The following ADAMTS9 variants were observed in gnomAD, a reference collection of about 807,000 sequenced individuals.
ADAMTS9 encodes the protein A disintegrin and metalloproteinase with thrombospondin motifs 9.
In ADAMTS9, 107 loss-of-function variants were observed where a neutral mutation model predicts 257.1. That is an observed-to-expected ratio of 0.42 (90% CI 0.36 to 0.49). ADAMTS9 has a LOEUF of 0.49. ADAMTS9 is among the 20% of genes least tolerant of loss of function. The pLI is 0.03. For synonymous variants in ADAMTS9, 982 were observed against 880.9 expected, an observed-to-expected ratio of 1.11 and a Z score of -2.03; for missense variants, 2,353 against 2,469.1, an observed-to-expected ratio of 0.95 and a Z score of 1.00.
intron 23 of ADAMTS9, among the ~76,000 whole-genome samples, chr3:64,606,252 A>G (rs2084554441): frequency 6.6e-6 from 1 of 152,208 alleles, no homozygotes; most frequent in South Asian, 2.1e-4. Context: ...CATTTTCTCC[A>G]TTACTTTCTT....
At chr3:64,653,429 A>G (rs1411530269) in intron 8 of ADAMTS9, among the ~76,000 whole-genome samples, 1 of 152,212 alleles carries the variant, frequency 6.6e-6, no homozygotes, top group African/African-American at 2.4e-5. Context: ...TATATGTTTG[A>G]AAGGTACTAG....
intron 3 of ADAMTS9, among the ~76,000 whole-genome samples, chr3:64,674,306 A>C (rs1701571101): frequency 6.6e-6 from 1 of 152,236 alleles, no homozygotes; most frequent in African/African-American, 2.4e-5. Context: ...GATGAAGAAC[A>C]AAAAGGGGAA....
At chr3:64,662,940 A>G (rs914347172) in intron 3 of ADAMTS9, among the ~76,000 whole-genome samples, 3 of 152,124 alleles carry the variant, frequency 2.0e-5, no homozygotes, top group African/African-American at 7.2e-5. Context: ...ATGGAATAAA[A>G]TTGCCTTCAG....
intron 3 of ADAMTS9, among the ~76,000 whole-genome samples, chr3:64,678,330 C>A (rs897356088): frequency 6.6e-6 from 1 of 152,190 alleles, no homozygotes; most frequent in African/African-American, 2.4e-5. Context: ...ATGGAAAGCA[C>A]TGATGTAGAA....
intron 36 of ADAMTS9, among the ~76,000 whole-genome samples, chr3:64,539,664 G>GC (rs2083095864): frequency 6.6e-6 from 1 of 152,164 alleles, no homozygotes; most frequent in Non-Finnish European, 1.5e-5. Context: ...CTGTTATCCT[G>GC]CATCACAGGC....
intron 16 of ADAMTS9, among the ~76,000 whole-genome samples, chr3:64,625,634 T>G (rs2106874587): frequency 6.6e-6 from 1 of 152,268 alleles, no homozygotes; most frequent in East Asian, 1.9e-4. Flanking sequence ...TTTACCAGAA[T>G]TCTCACCCAC....
intron 32 of ADAMTS9, among the ~76,000 whole-genome samples, chr3:64,544,544 G>A (rs1370971023): frequency 1.3e-5 from 2 of 152,148 alleles, no homozygotes. Context: ...ATGGTGCTGG[G>A]AAAACTGGCT....
intron 28 of ADAMTS9, among the ~76,000 whole-genome samples, chr3:64,569,962 A>G (rs1164519721): frequency 6.6e-6 from 1 of 152,224 alleles, no homozygotes; most frequent in Non-Finnish European, 1.5e-5. Flanking sequence ...ACTTTGCGAT[A>G]TAATTCTAGA....
intron 3 of ADAMTS9, among the ~76,000 whole-genome samples, chr3:64,669,975 G>GT (rs1701446185): frequency 6.6e-6 from 1 of 152,144 alleles, no homozygotes; most frequent in African/African-American, 2.4e-5. Flanking sequence ...TACAATCAAA[G>GT]ATACCGCTGG....
At chr3:64,685,000 A>C (rs1701859166) in intron 2 of ADAMTS9, 1 of 152,138 alleles carries the variant, frequency 6.6e-6, no homozygotes. Flanking sequence ...TAACCTTTCA[A>C]GGACCAGAAG....
At chr3:64,592,394 G>A (rs2084279643) in intron 28 of ADAMTS9, 1 of 152,052 alleles carries the variant, frequency 6.6e-6, no homozygotes, top group Non-Finnish European at 1.5e-5. Flanking sequence ...GCAGGCCCAA[G>A]GAGAACAACT....
intron 22 of ADAMTS9, among the ~76,000 whole-genome samples, chr3:64,612,146 C>A (rs369498749): frequency 1.1e-4 from 17 of 151,946 alleles, no homozygotes; most frequent in Non-Finnish European, 2.1e-4. Context: ...TGAATATTTA[C>A]GACCCTTAAA....
At chr3:64,670,702 C>T (rs938176312) in intron 3 of ADAMTS9, among the ~76,000 whole-genome samples, 1 of 152,118 alleles carries the variant, frequency 6.6e-6, no homozygotes, top group Non-Finnish European at 1.5e-5. Context: ...TAAAAAATGG[C>T]TGAAAGACTT....
At chr3:64,559,024 T>G (rs902218085) in intron 30 of ADAMTS9, among the ~76,000 whole-genome samples, 1 of 151,966 alleles carries the variant, frequency 6.6e-6, no homozygotes, top group African/African-American at 2.4e-5. Flanking sequence ...GGGCTGTGAT[T>G]TAGGGGAGCC....
intron 16 of ADAMTS9, among the ~76,000 whole-genome samples, chr3:64,630,104 A>G (rs1700330808): frequency 6.8e-6 from 1 of 147,444 alleles, no homozygotes; most frequent in Admixed American, 6.8e-5. Context: ...GACAGCTCTA[A>G]TTTATTCTAG....
At chr3:64,518,562 T>TA (rs1343967535) in intron 39 of ADAMTS9, among the ~76,000 whole-genome samples, 1 of 152,080 alleles carries the variant, frequency 6.6e-6, no homozygotes, top group Admixed American at 6.5e-5. Context: ...TGGACTTTGT[T>TA]AAAATGCAGA....
intron 30 of ADAMTS9, among the ~76,000 whole-genome samples, chr3:64,553,206 C>A (rs1278249492): frequency 6.6e-6 from 1 of 152,156 alleles, no homozygotes; most frequent in Non-Finnish European, 1.5e-5. Flanking sequence ...CCAGTCCCTC[C>A]CCATTCCTTC....
At position 64,517,049 on chromosome 3, in the gene ADAMTS9, T is replaced by C. The variant is rs1031900236; in HGVS notation, c.*78A>G. 6.6e-6 allele frequency: 1 copy of C among 152,334 alleles called. No individual in the cohort carries two copies. Among genetic ancestry groups the C allele is most frequent in the Non-Finnish European group, 1.5e-5 (1 of 67,962 alleles). 9.4% of individuals were successfully genotyped at this position (152,334 alleles called of 1,614,324 possible). On this transcript the variant is annotated 3_prime_UTR_variant, in exon 40 of 40. Coordinates refer to ENST00000498707, the MANE Select transcript of ADAMTS9 (RefSeq NM_182920.2). ...ACACAAACACACACACACATACACA[T>C]GCACCCAAATTAAGGTGGAGGTATT...
chr3:64,633,163 C>A (rs9968194), intron 14 of ADAMTS9, among the ~76,000 whole-genome samples: 1 of 151,916 alleles, frequency 6.6e-6, no homozygotes, highest in Non-Finnish European at 1.5e-5. Flanking sequence ...TGCTTAAGCA[C>A]TGAGTTTATA....
Sources: gnomAD v4.1 joint callset for allele counts (sites outside exome capture counted in the v4.1 genomes callset) on GRCh38, gnomAD v4.1.1 for gene constraint, MANE v1.5 for transcripts, NCBI Gene and HGNC (gene_info 2026-07-23, HGNC 2026-07-21) for gene names.